The following ANKRD17 variants were observed in gnomAD, a reference collection of about 807,000 sequenced individuals.
ANKRD17 encodes the protein ankyrin repeat domain-containing protein 17.
ANKRD17 carries 19 observed loss-of-function variants against 229.7 expected under a neutral mutation model. The observed-to-expected ratio is 0.08, with a 90% CI of 0.06 to 0.12. The LOEUF is 0.12. Among genes scored for constraint, ANKRD17 ranks in the 10% least tolerant of loss-of-function variants. The pLI is 1.00. For missense variants in ANKRD17, 2,176 were observed against 3,176.8 expected (o/e 0.68, Z 7.57); for synonymous variants, 1,112 against 1,146.1 (o/e 0.97, Z 0.60).
rs1721253697 is a variant in ANKRD17 at position 73,078,684 on chromosome 4, G to T, written c.7366C>A (p.His2456Asn). 6.2e-7 allele frequency: 1 copy of T among 1,614,190 alleles called. No homozygotes were observed. Among genetic ancestry groups the T allele is most frequent in the Non-Finnish European group, 8.5e-7 (1 of 1,180,024 alleles). The change falls in exon 31 of 34, where the codon CAT becomes AAT. Residue 2456 changes from histidine (H) to asparagine (N), a missense_variant. This residue lies in a region of ANKRD17 where 159 missense variants were observed against 214.3 expected (regional missense o/e 0.74). Coordinates refer to ENST00000358602, the MANE Select transcript of ANKRD17 (RefSeq NM_032217.5). ...IGSNLSTSVGHSGIWSFEGIG... is the reference protein window; with the variant it reads ...IGSNLSTSVGNSGIWSFEGIG... ...CCTTCAAAGGACCAGATGCCACTAT[G>T]TCCTACTGATGTAGACAAATTGCTC...
chr4:73,132,616 G>A (rs537327004), intron 16 of ANKRD17, among the ~76,000 whole-genome samples: 1 of 152,170 alleles, frequency 6.6e-6, no homozygotes. Context: ...AAAAAAAGTA[G>A]ATTTTTAAGG....
At chr4:73,132,976 G>C (rs867004046) in intron 16 of ANKRD17, among the ~76,000 whole-genome samples, 1 of 152,266 alleles carries the variant, frequency 6.6e-6, no homozygotes, top group African/African-American at 2.4e-5. Context: ...GCTGTGTGCG[G>C]TGGCACACGC....
chr4:73,179,414 A>G (rs893939763), intron 1 of ANKRD17, among the ~76,000 whole-genome samples: 1 of 143,404 alleles, frequency 7.0e-6, no homozygotes, highest in Admixed American at 7.1e-5. Flanking sequence ...TTATATATAT[A>G]TGTGTGTGCA....
chr4:73,209,033 C>A (rs769315865), intron 1 of ANKRD17, among the ~76,000 whole-genome samples: 76 of 152,098 alleles, frequency 5.0e-4, no homozygotes, highest in Non-Finnish European at 9.0e-4. Context: ...TGGCGAAACT[C>A]CCCTCTACTA....
In ANKRD17 at chr4:73,074,635, A is replaced by G. The variant is rs1720893602; in HGVS notation, c.*1596T>C. On this transcript the variant is annotated 3_prime_UTR_variant, in exon 34 of 34. Coordinates refer to ENST00000358602, the MANE Select transcript of ANKRD17 (RefSeq NM_032217.5). ...TTTACTCAGGCTTTACTCTTTACTCAGATGGAAGAAATCATTTGATTTACT... is the reference window on the plus strand; with the variant it reads ...TTTACTCAGGCTTTACTCTTTACTCGGATGGAAGAAATCATTTGATTTACT... 1 of 151,970 alleles carries G rather than the reference A, an allele frequency of 6.6e-6. No individual in the cohort carries two copies. The highest frequency in any genetic ancestry group is 2.1e-4 in the South Asian group (1 of 4,834). The allele number at this position is 151,970 out of a possible 1,614,324, so 9.4% of individuals were successfully genotyped here.
intron 16 of ANKRD17, among the ~76,000 whole-genome samples, chr4:73,132,051 T>C (rs1186614139): frequency 6.6e-6 from 1 of 151,912 alleles, no homozygotes; most frequent in Non-Finnish European, 1.5e-5. Flanking sequence ...TTTGATTGAG[T>C]ATAAAAGGAT....
chr4:73,256,891 T>G (rs1283406985), intron 1 of ANKRD17, among the ~76,000 whole-genome samples: 1 of 152,240 alleles, frequency 6.6e-6, no homozygotes, highest in Non-Finnish European at 1.5e-5. Context: ...ACTTCAGCAC[T>G]TAATATCTCT....
At chr4:73,142,058 G>GAT (rs1729681240) in intron 13 of ANKRD17, among the ~76,000 whole-genome samples, 184 bp downstream of exon 13, 2 of 151,952 alleles carry the variant, frequency 1.3e-5, no homozygotes, top group Non-Finnish European at 2.9e-5. Flanking sequence ...AAAAGCTAAA[G>GAT]CATAATCATA....
chr4:73,201,936 A>G lies in ANKRD17; in HGVS notation c.394-24403T>C, dbSNP rs142137360. ...GTCATCTGTGGCAAAAGCATCTACA[A>G]TGGCACTGCACTGACACTATTTCTA... On this transcript the variant is annotated intron_variant, in intron 1 of 33. Transcript: ENST00000358602. Among the ~76,000 whole-genome samples, 21 of 152,272 alleles carry G rather than the reference A, an allele frequency of 1.4e-4. No individual in the cohort carries two copies. In the South Asian group the frequency reaches 2.7e-3, roughly 20 times the overall value.
At chr4:73,152,133 A>T (rs2148869805) in intron 6 of ANKRD17, among the ~76,000 whole-genome samples, 1 of 152,276 alleles carries the variant, frequency 6.6e-6, no homozygotes, top group East Asian at 1.9e-4. Context: ...GTTAAAAAGC[A>T]GACGACAAAT....
Position 73,206,151 on chromosome 4 carries a change from T to C in ANKRD17, c.394-28618A>G, listed in dbSNP as rs111810741. ...CTATTAGTAGGAAGGTAAATTAATATAGCCATTATGGAAAACAGTACAGAG... is the reference window on the plus strand; with the variant it reads ...CTATTAGTAGGAAGGTAAATTAATACAGCCATTATGGAAAACAGTACAGAG... On this transcript the variant is annotated intron_variant, in intron 1 of 33. Transcript: ENST00000358602. Among the ~76,000 whole-genome samples, 290 of 152,140 alleles carry C rather than the reference T, an allele frequency of 1.9e-3. 1 individual carries two copies. The highest frequency in any genetic ancestry group is 6.7e-3 in the African/African-American group (277 of 41,510).
intron 22 of ANKRD17, 49 bp downstream of exon 22, chr4:73,118,639 T>C: frequency 1.3e-6 from 2 of 1,598,200 alleles, no homozygotes; most frequent in Non-Finnish European, 1.7e-6. Flanking sequence ...ATGTACTTCC[T>C]AGTGTAAGTA....
At chr4:73,206,679 G>A (rs1223333215) in intron 1 of ANKRD17, among the ~76,000 whole-genome samples, 1 of 152,164 alleles carries the variant, frequency 6.6e-6, no homozygotes, top group Non-Finnish European at 1.5e-5. Flanking sequence ...GGAAGGTGAG[G>A]GGTCAGGAGG....
chr4:73,149,702 A>G (rs966375051), intron 7 of ANKRD17, among the ~76,000 whole-genome samples: 6 of 151,992 alleles, frequency 3.9e-5, no homozygotes, highest in Admixed American at 3.3e-4. Context: ...TCCCATTTCT[A>G]CAAAAAATAC....
chr4:73,148,798 G>A lies in ANKRD17; in HGVS notation c.1567+15C>T, dbSNP rs1285464041. On this transcript the variant is annotated intron_variant, in intron 8 of 33. Transcript: ENST00000358602. The stretch of plus-strand genomic sequence containing the variant: ...TTACACATTTATACTTTAGTGTCTT[G>A]ATAGATACGGTTACCTTGACCAAGA... The A allele has an allele frequency of 6.2e-7, 1 of 1,602,636 alleles. No individual in the cohort carries two copies. Among genetic ancestry groups the A allele is most frequent in the Non-Finnish European group, 8.5e-7 (1 of 1,169,890 alleles).
intron 23 of ANKRD17, among the ~76,000 whole-genome samples, chr4:73,115,030 C>T (rs1725773330): frequency 1.3e-5 from 2 of 152,072 alleles, no homozygotes. Flanking sequence ...AATTCCTAGC[C>T]AATTCATTCT....
intron 1 of ANKRD17, among the ~76,000 whole-genome samples, chr4:73,244,459 TA>T (rs1377130689): frequency 6.6e-6 from 1 of 152,016 alleles, no homozygotes; most frequent in Non-Finnish European, 1.5e-5. Context: ...AATTAAAAAT[TA>T]AAAAAAATTT....
At chr4:73,149,841 G>A (rs1325364423) in intron 7 of ANKRD17, among the ~76,000 whole-genome samples, 1 of 152,016 alleles carries the variant, frequency 6.6e-6, no homozygotes, top group Non-Finnish European at 1.5e-5. Flanking sequence ...CTCCAGCCTG[G>A]GAACAGAGTG....
In ANKRD17 at chr4:73,222,788, G is replaced by A. The variant is rs569943317; in HGVS notation, c.393+35488C>T. On this transcript the variant is annotated intron_variant, in intron 1 of 33. Coordinates refer to ENST00000358602, the MANE Select transcript of ANKRD17 (RefSeq NM_032217.5). The stretch of plus-strand genomic sequence containing the variant: ...AAGTTTAAACAAAATAATTATAGAC[G>A]TCTATAGTAATCATGTGAACCAGTC... 1.4e-3 allele frequency among the ~76,000 whole-genome samples: 219 copies of A among 152,236 alleles called. 1 individual carries two copies. Among genetic ancestry groups the A allele is most frequent in the African/African-American group, 4.9e-3 (203 of 41,558 alleles).
Sources: allele counts gnomAD v4.1 joint callset (sites outside exome capture counted in the v4.1 genomes callset), GRCh38; gene constraint gnomAD v4.1.1; regional missense constraint gnomAD v4.1.1; transcripts MANE v1.5; gene names NCBI Gene and HGNC (gene_info 2026-07-23, HGNC 2026-07-21).